The following BCL2L11 variants were observed in gnomAD, a reference collection of about 807,000 sequenced individuals.
The protein encoded by BCL2L11 is BCL2 like 11.
A neutral mutation model predicts 20.6 loss-of-function variants in BCL2L11; 15 were observed. That is an observed-to-expected ratio of 0.73 (90% CI 0.49 to 1.12). The LOEUF (loss-of-function observed/expected upper bound fraction) is 1.12, where lower values mean the gene tolerates loss of function less well. Ranked by LOEUF, BCL2L11 falls within the 50% of genes most tolerant of loss-of-function variation. The probability of loss-of-function intolerance (pLI) is 0.00; values close to 1 mark genes in which losing one functional copy is unlikely to be tolerated. For missense variants in BCL2L11, 292 were observed against 260.9 expected (o/e 1.12, Z -0.82); for synonymous variants, 108 against 92.8 (o/e 1.16, Z -0.94).
chr2:111,135,244 G>A (rs759180850), intron 2 of BCL2L11, among the ~76,000 whole-genome samples: 3 of 152,018 alleles, frequency 2.0e-5, no homozygotes, highest in African/African-American at 7.3e-5. Flanking sequence ...TTCACTGATT[G>A]TTTTTAAAAT....
chr2:111,152,228 G>T (rs2077342071), intron 3 of BCL2L11, among the ~76,000 whole-genome samples: 1 of 152,224 alleles, frequency 6.6e-6, no homozygotes, highest in Non-Finnish European at 1.5e-5. Context: ...CCCTGGGCCT[G>T]TCTCCTTCCC....
Position 111,123,882 on chromosome 2 carries a change from G to A in BCL2L11, c.137G>A (p.Gly46Asp). The A allele has an allele frequency of 6.2e-7, 1 of 1,608,112 alleles. No homozygotes were observed. Among genetic ancestry groups the A allele is most frequent in the South Asian group, 1.1e-5 (1 of 90,336 alleles). ...LQTEPQGNPEGNHGGEGDSCP... is the reference protein window; with the variant it reads ...LQTEPQGNPEDNHGGEGDSCP... ...ACAGAGCCACAAGGTAATCCTGAAG[G>A]CAATCACGGAGGTGAAGGGGACAGC... is the stretch of plus-strand genomic sequence containing the variant. Residue 46 changes from glycine (G) to aspartate (D), a missense_variant, in exon 2 of 4, where the codon GGC becomes GAC. Physicochemically the swap from Gly to Asp is moderately conservative, Grantham distance 94. Coordinates refer to ENST00000393256, the MANE Select transcript of BCL2L11 (RefSeq NM_138621.5).
chr2:111,153,506 T>A (rs776807760), intron 3 of BCL2L11, among the ~76,000 whole-genome samples: 1 of 152,162 alleles, frequency 6.6e-6, no homozygotes, highest in Non-Finnish European at 1.5e-5. Context: ...CACTTAATGG[T>A]CCATTGTTAA....
At chr2:111,122,362 G>T (rs2071227824) in intron 1 of BCL2L11, among the ~76,000 whole-genome samples, 1 of 152,308 alleles carries the variant, frequency 6.6e-6, no homozygotes, top group South Asian at 2.1e-4. Context: ...AGGAGCACAG[G>T]GATGGGCAGG....
intron 3 of BCL2L11, chr2:111,161,695 T>C: frequency 9.7e-7 from 1 of 1,035,688 alleles, no homozygotes; most frequent in Non-Finnish European, 1.3e-6. Context: ...GTCCTGACTT[T>C]CCAATTCCAT....
intron 2 of BCL2L11, chr2:111,142,359 T>A (rs1301645962): frequency 2.1e-5 from 33 of 1,550,484 alleles, no homozygotes; most frequent in Non-Finnish European, 2.9e-5. Context: ...ATAGGGAAGT[T>A]CAGTGGCCAC....
At chr2:111,149,063 G>GT (rs2076932933) in intron 2 of BCL2L11, among the ~76,000 whole-genome samples, 1 of 152,144 alleles carries the variant, frequency 6.6e-6, no homozygotes, top group African/African-American at 2.4e-5. Flanking sequence ...GTAAGTTAAC[G>GT]TAAGTCACAC....
At chr2:111,160,641 C>T (rs1433688017) in intron 3 of BCL2L11, among the ~76,000 whole-genome samples, 2 of 152,154 alleles carry the variant, frequency 1.3e-5, no homozygotes, top group African/African-American at 4.8e-5. Context: ...TGGGGCCCTC[C>T]TCTTTGTGCA....
intron 2 of BCL2L11, among the ~76,000 whole-genome samples, chr2:111,125,775 A>AT (rs2072450089): frequency 6.6e-6 from 1 of 152,120 alleles, no homozygotes; most frequent in East Asian, 1.9e-4. Context: ...CCAGGAGGTA[A>AT]TTTTTTAGGG....
intron 2 of BCL2L11, among the ~76,000 whole-genome samples, chr2:111,133,142 CAGAA>C (rs935263817): frequency 1.3e-4 from 20 of 152,236 alleles, no homozygotes; most frequent in Non-Finnish European, 2.4e-4. Flanking sequence ...TTGGAGAACT[CAGAA>C]AGGTAAATTT....
intron 3 of BCL2L11, among the ~76,000 whole-genome samples, chr2:111,155,399 T>C (rs1335766962): frequency 6.6e-6 from 1 of 152,082 alleles, no homozygotes; most frequent in Non-Finnish European, 1.5e-5. Context: ...CCAGCAAGTG[T>C]AGATTGCGAC....
At chr2:111,155,667 A>G (rs766240347) in intron 3 of BCL2L11, among the ~76,000 whole-genome samples, 3 of 152,208 alleles carry the variant, frequency 2.0e-5, no homozygotes, top group Non-Finnish European at 4.4e-5. Context: ...CTCCATGTGC[A>G]GGAACACTGC....
intron 2 of BCL2L11, chr2:111,142,195 C>A: frequency 1.2e-6 from 1 of 833,378 alleles, no homozygotes; most frequent in Non-Finnish European, 2.0e-6. Flanking sequence ...ACATCCTTAA[C>A]TTGCACTTGT....
chr2:111,148,517 A>G (rs1046586124), intron 2 of BCL2L11, among the ~76,000 whole-genome samples: 6 of 152,166 alleles, frequency 3.9e-5, no homozygotes, highest in African/African-American at 1.4e-4. Flanking sequence ...CTTTTTACAG[A>G]TTTGTTAGAA....
chr2:111,156,969 A>T (rs2077944121), intron 3 of BCL2L11, among the ~76,000 whole-genome samples: 2 of 152,164 alleles, frequency 1.3e-5, no homozygotes, highest in South Asian at 4.1e-4. Flanking sequence ...ATACTCTGGA[A>T]CTGCTTTTTA....
In BCL2L11 at chr2:111,146,501, A is replaced by G. The variant is rs530879437; in HGVS notation, c.395-3543A>G. On this transcript the variant is annotated intron_variant, in intron 2 of 3. Coordinates refer to ENST00000393256, the MANE Select transcript of BCL2L11 (RefSeq NM_138621.5). ...TGTGTTTGGAGATTTCTGTATGCCA[A>G]ACCCCACGGGCTCCAGGCACGCTTT... Among the ~76,000 whole-genome samples, 125 of 152,326 alleles carry G rather than the reference A, an allele frequency of 8.2e-4. 1 individual carries two copies. Among genetic ancestry groups the G allele is most frequent in the Admixed American group, 1.6e-3 (24 of 15,296 alleles).
At chr2:111,126,963 G>T (rs28414521) in intron 2 of BCL2L11, among the ~76,000 whole-genome samples, 2,140 of 152,180 alleles carry the variant, frequency 0.014, 53 homozygotes, top group African/African-American at 0.048. Flanking sequence ...TCAAGTCTTA[G>T]GAGGAATGTA....
chr2:111,123,890 G>A lies in BCL2L11; in HGVS notation c.145G>A (p.Gly49Arg), dbSNP rs1431222585. 2 of 1,610,100 alleles carry A rather than the reference G, an allele frequency of 1.2e-6. No homozygotes were observed. Among genetic ancestry groups the A allele is most frequent in the East Asian group, 2.2e-5 (1 of 44,860 alleles). ...EPQGNPEGNH[G>R]GEGDSCPHGS... ...ACAAGGTAATCCTGAAGGCAATCACGGAGGTGAAGGGGACAGCTGCCCCCA... is the reference window on the plus strand; with the variant it reads ...ACAAGGTAATCCTGAAGGCAATCACAGAGGTGAAGGGGACAGCTGCCCCCA... The change falls in exon 2 of 4, where the codon GGA (glycine) becomes AGA (arginine). Residue 49 changes from glycine (G) to arginine (R), a missense_variant. Gly to Arg is a moderately radical substitution (Grantham distance 125). Coordinates refer to ENST00000393256, the MANE Select transcript of BCL2L11 (RefSeq NM_138621.5).
intron 2 of BCL2L11, among the ~76,000 whole-genome samples, chr2:111,144,990 T>C (rs2076315471): frequency 6.6e-6 from 1 of 152,220 alleles, no homozygotes; most frequent in South Asian, 2.1e-4. Context: ...ATTATGTGTG[T>C]AAAATCCTCT....
Sources: allele counts gnomAD v4.1 joint callset (sites outside exome capture counted in the v4.1 genomes callset), GRCh38; gene constraint gnomAD v4.1.1; transcripts MANE v1.5; gene names NCBI Gene and HGNC (gene_info 2026-07-23, HGNC 2026-07-21).